Variants in WDPCP observed in about 807,000 individuals in gnomAD.
The protein encoded by WDPCP is WD repeat-containing and planar cell polarity effector protein fritz homolog.
A neutral mutation model predicts 93.1 loss-of-function variants in WDPCP; 71 were observed. The ratio of observed to expected loss-of-function variants is 0.76; its 90% CI spans 0.63 to 0.93. The LOEUF is 0.93. Ranked by LOEUF, WDPCP falls within the 40% of genes least tolerant of loss-of-function variation. The pLI, the probability that WDPCP is intolerant of heterozygous loss-of-function variation, is 0.00. For missense variants in WDPCP, 844 were observed against 887.4 expected, an observed-to-expected ratio of 0.95 and a Z score of 0.62; for synonymous variants, 315 against 315.0, an observed-to-expected ratio of 1.00 and a Z score of 0.00.
chr2:63,640,934 T>C (rs896785264), intron 3 of WDPCP, among the ~76,000 whole-genome samples: 10 of 152,210 alleles, frequency 6.6e-5, no homozygotes, highest in Admixed American at 2.6e-4. Flanking sequence ...CTATTTTTTG[T>C]ACCCGTTAAC....
intron 12 of WDPCP, among the ~76,000 whole-genome samples, chr2:63,345,687 G>C (rs907418840): frequency 6.6e-6 from 1 of 152,122 alleles, no homozygotes; most frequent in Non-Finnish European, 1.5e-5. Flanking sequence ...CTAAAGTCAG[G>C]GAACTGCTTA....
intron 1 of WDPCP, among the ~76,000 whole-genome samples, chr2:63,521,522 A>T (rs765549824): frequency 6.6e-6 from 1 of 152,178 alleles, no homozygotes; most frequent in Non-Finnish European, 1.5e-5. Flanking sequence ...CCAGATTCAT[A>T]AAGTAAAGTT....
At chr2:63,430,795 T>A (rs1198318042) in intron 9 of WDPCP, among the ~76,000 whole-genome samples, 1 of 152,174 alleles carries the variant, frequency 6.6e-6, no homozygotes, top group Non-Finnish European at 1.5e-5. Context: ...GGCAGGATAA[T>A]CACTTGAACC....
At chr2:63,755,466 C>G (rs1256684015) in intron 2 of WDPCP, among the ~76,000 whole-genome samples, 1 of 152,194 alleles carries the variant, frequency 6.6e-6, no homozygotes, top group Admixed American at 6.5e-5. Context: ...TTTAAATGCA[C>G]ATCTGGCAGC....
chr2:63,185,084 G>A (rs1674521022), intron 14 of WDPCP, among the ~76,000 whole-genome samples: 1 of 152,052 alleles, frequency 6.6e-6, no homozygotes, highest in African/African-American at 2.4e-5. Context: ...GAAAAAACTG[G>A]TGAAGTTCTC....
At chr2:63,807,936 G>A (rs1670792767) in intron 2 of WDPCP, among the ~76,000 whole-genome samples, 1 of 152,128 alleles carries the variant, frequency 6.6e-6, no homozygotes, top group African/African-American at 2.4e-5. Context: ...AGTATCTTAT[G>A]GAAGCCATCT....
Position 63,614,300 on chromosome 2 carries a change from T to C in WDPCP, n.488+36359A>G, listed in dbSNP as rs545361792. ...ACACACTTGCATGTTAATAAATTTGTATGCCTTTTTCTCCTGTTAATCTCC... is the reference window on the plus strand; with the variant it reads ...ACACACTTGCATGTTAATAAATTTGCATGCCTTTTTCTCCTGTTAATCTCC... On this transcript the variant is annotated intron_variant and non_coding_transcript_variant, in intron 3 of 4. Coordinates refer to the WDPCP transcript ENST00000467687. Among the ~76,000 whole-genome samples the C allele has an allele frequency of 1.1e-4, 16 of 152,354 alleles. 1 individual carries two copies. Among genetic ancestry groups the C allele is most frequent in the African/African-American group, 3.6e-4 (15 of 41,574 alleles).
At chr2:63,574,391 A>G (rs6734648) in intron 1 of WDPCP, among the ~76,000 whole-genome samples, 121,847 of 151,756 alleles carry the variant, frequency 0.8, 49,579 homozygotes, top group East Asian at 0.98. Context: ...TTTACCCGAT[A>G]TCTGGCTGAA....
At chr2:63,194,021 T>G (rs985734275) in intron 14 of WDPCP, among the ~76,000 whole-genome samples, 12 of 152,214 alleles carry the variant, frequency 7.9e-5, no homozygotes, top group Non-Finnish European at 1.5e-4. Flanking sequence ...TTTCTAAATC[T>G]GTGATATACT....
intron 13 of WDPCP, among the ~76,000 whole-genome samples, chr2:63,289,510 T>C (rs1684247675): frequency 6.6e-6 from 1 of 152,088 alleles, no homozygotes; most frequent in African/African-American, 2.4e-5. Flanking sequence ...TTGGATGTAA[T>C]TGACTTGTAA....
chr2:63,396,168 G>A (rs1693709433), intron 10 of WDPCP, among the ~76,000 whole-genome samples: 1 of 152,140 alleles, frequency 6.6e-6, no homozygotes, highest in East Asian at 1.9e-4. Flanking sequence ...AATGATATGA[G>A]ATCCAATTTT....
At chr2:63,361,162 A>G (rs1240867586) in intron 12 of WDPCP, among the ~76,000 whole-genome samples, 1 of 152,224 alleles carries the variant, frequency 6.6e-6, no homozygotes, top group Admixed American at 6.5e-5. Context: ...AGAACAGATT[A>G]AAGTTCTTTA....
intron 12 of WDPCP, among the ~76,000 whole-genome samples, chr2:63,322,888 T>G (rs2901578): frequency 0.57 from 85,964 of 152,040 alleles, 24,651 homozygotes; most frequent in Admixed American, 0.64. Context: ...GAATTCGGGG[T>G]CTAAATACCA....
chr2:63,498,497 A>G (rs1461052554), intron 1 of WDPCP, among the ~76,000 whole-genome samples: 5 of 152,232 alleles, frequency 3.3e-5, no homozygotes, highest in Admixed American at 3.3e-4. Flanking sequence ...AGAGTAAATT[A>G]ATATTTATTT....
intron 10 of WDPCP, among the ~76,000 whole-genome samples, chr2:63,401,256 G>T (rs1039290763): frequency 3.9e-5 from 6 of 152,022 alleles, no homozygotes; most frequent in Admixed American, 1.3e-4. Context: ...TCTAACAAAG[G>T]TCTAATATCC....
intron 3 of WDPCP, among the ~76,000 whole-genome samples, chr2:63,626,770 AT>A (rs889227637): frequency 6.6e-6 from 1 of 152,198 alleles, no homozygotes; most frequent in Non-Finnish European, 1.5e-5. Flanking sequence ...CATTGTTGCC[AT>A]TCCTCAAGGA....
At chr2:63,124,401 C>G (rs755333414) in intron 17 of WDPCP, among the ~76,000 whole-genome samples, 5 of 151,966 alleles carry the variant, frequency 3.3e-5, no homozygotes, top group Non-Finnish European at 7.4e-5. Context: ...TTTCCCCAGT[C>G]CCTCATTGCT....
chr2:63,214,050 G>A (rs1182859895), intron 14 of WDPCP, among the ~76,000 whole-genome samples: 2 of 152,164 alleles, frequency 1.3e-5, no homozygotes, highest in African/African-American at 2.4e-5. Context: ...GGTACAAAGA[G>A]GAGCTGGTAC....
At chr2:63,252,600 A>G (rs924405034) in intron 14 of WDPCP, among the ~76,000 whole-genome samples, 6 of 152,228 alleles carry the variant, frequency 3.9e-5, no homozygotes, top group African/African-American at 1.4e-4. Context: ...ATCAACAGAA[A>G]AATCAGTGCC....
Sources: gnomAD v4.1 joint callset for allele counts (sites outside exome capture counted in the v4.1 genomes callset) on GRCh38, gnomAD v4.1.1 for gene constraint, MANE v1.5 for transcripts, NCBI Gene and HGNC (gene_info 2026-07-23, HGNC 2026-07-21) for gene names.